The following MFHAS1 variants were observed in gnomAD, a reference collection of about 807,000 sequenced individuals.
MFHAS1 encodes multifunctional ROCO family signaling regulator 1.
In MFHAS1, 50 loss-of-function variants were observed where a neutral mutation model predicts 70.4. The observed-to-expected ratio is 0.71, with a 90% confidence interval of 0.57 to 0.90. The LOEUF (loss-of-function observed/expected upper bound fraction) is 0.90, where lower values mean the gene tolerates loss of function less well. Ranked by LOEUF, MFHAS1 falls within the 40% of genes least tolerant of loss-of-function variation. The pLI is 0.00. For missense variants in MFHAS1, 1,795 were observed against 1,347.6 expected, an observed-to-expected ratio of 1.33 and a Z score of -5.20; for synonymous variants, 952 against 620.0, an observed-to-expected ratio of 1.54 and a Z score of -7.96.
In MFHAS1 at chr8:8,803,044, T is replaced by A. The variant is rs189954458; in HGVS notation, c.2999-5553A>T. Among the ~76,000 whole-genome samples, 10 of 152,300 alleles carry A rather than the reference T, an allele frequency of 6.6e-5. No homozygotes were observed. In the East Asian group the frequency reaches 1.9e-3, roughly 29 times the overall value. ...AGGTATATTCTACCACTAAGCCACA[T>A]ATACTCTTAAGGGGTTTTGGGGATT... On this transcript the variant is annotated intron_variant, in intron 1 of 2. Coordinates refer to ENST00000276282, the MANE Select transcript of MFHAS1 (RefSeq NM_004225.3).
At chr8:8,793,063 G>A (rs1224051096) in intron 2 of MFHAS1, among the ~76,000 whole-genome samples, 1 of 152,176 alleles carries the variant, frequency 6.6e-6, no homozygotes, top group Admixed American at 6.5e-5. Context: ...GTGAGGTGCA[G>A]AAGGGGAGGC....
At chr8:8,832,599 G>C (rs1416660619) in intron 1 of MFHAS1, among the ~76,000 whole-genome samples, 1 of 147,858 alleles carries the variant, frequency 6.8e-6, no homozygotes, top group East Asian at 2.0e-4. Context: ...AAGTACTGAT[G>C]AACATGTGAT....
At chr8:8,819,915 C>G (rs1242218205) in intron 1 of MFHAS1, among the ~76,000 whole-genome samples, 2 of 152,154 alleles carry the variant, frequency 1.3e-5, no homozygotes, top group African/African-American at 4.8e-5. Flanking sequence ...CCAGGCTGGT[C>G]TCAAACTCCT....
chr8:8,823,947 T>G (rs1299745357), intron 1 of MFHAS1, among the ~76,000 whole-genome samples: 1 of 137,706 alleles, frequency 7.3e-6, no homozygotes, highest in East Asian at 2.1e-4. Flanking sequence ...CACAGCAGAT[T>G]TCCCTACAGG....
intron 1 of MFHAS1, among the ~76,000 whole-genome samples, chr8:8,889,030 C>CA (rs35143515): frequency 0.41 from 41,010 of 98,858 alleles, 6,912 homozygotes; most frequent in East Asian, 0.56. Flanking sequence ...AAAAAGTCTT[C>CA]AAAAAAAAAA....
intron 1 of MFHAS1, among the ~76,000 whole-genome samples, chr8:8,862,431 C>A (rs1808701904): frequency 6.7e-6 from 1 of 149,490 alleles, no homozygotes. Context: ...AATATTTTCT[C>A]CTAGACTATA....
chr8:8,859,364 T>G (rs968402839), intron 1 of MFHAS1, among the ~76,000 whole-genome samples: 10 of 152,048 alleles, frequency 6.6e-5, no homozygotes, highest in Non-Finnish European at 1.0e-4. Context: ...AAAAAAAAAG[T>G]TCACCATGTT....
chr8:8,793,508 G>T lies in MFHAS1; in HGVS notation c.3125+3857C>A, dbSNP rs572141487. ...CCACAAAAGCCAGCAATCACCTAGGGTAATTATTCTGGTCTACCTGGGAGC... is the reference window on the plus strand; with the variant it reads ...CCACAAAAGCCAGCAATCACCTAGGTTAATTATTCTGGTCTACCTGGGAGC... On this transcript the variant is annotated intron_variant, in intron 2 of 2. Transcript: ENST00000276282. Among the ~76,000 whole-genome samples the T allele has an allele frequency of 3.9e-5, 6 of 152,320 alleles. No individual in the cohort carries two copies. In the East Asian group the frequency reaches 9.7e-4, roughly 25 times the overall value.
chr8:8,843,541 A>T (rs528016605), intron 1 of MFHAS1, among the ~76,000 whole-genome samples: 1 of 152,362 alleles, frequency 6.6e-6, no homozygotes, highest in South Asian at 2.1e-4. Context: ...TGATCATGCC[A>T]CTGCATGCCA....
At chr8:8,787,494 G>C (rs1011294152) in intron 2 of MFHAS1, among the ~76,000 whole-genome samples, 22 of 152,302 alleles carry the variant, frequency 1.4e-4, no homozygotes, top group African/African-American at 5.1e-4. Flanking sequence ...TGACTCCAAA[G>C]CTCAAAGAGA....
At chr8:8,789,309 G>A (rs553726363) in intron 2 of MFHAS1, among the ~76,000 whole-genome samples, 1 of 152,214 alleles carries the variant, frequency 6.6e-6, no homozygotes, top group Non-Finnish European at 1.5e-5. Context: ...TGGAGCCGAT[G>A]GTACAAAGCT....
intron 2 of MFHAS1, among the ~76,000 whole-genome samples, chr8:8,789,237 G>A (rs899623090): frequency 1.3e-5 from 2 of 152,178 alleles, no homozygotes; most frequent in African/African-American, 4.8e-5. Flanking sequence ...AAAGGTGTTG[G>A]AGAATTACTA....
rs750186126 is a variant in MFHAS1 at position 8,890,453 on chromosome 8, T to C, written c.2606A>G (p.Asn869Ser). Residue 869 changes from asparagine (N) to serine (S), a missense_variant, in exon 1 of 3, where the codon AAC becomes AGC. Transcript: ENST00000276282. ...AGCCACAAAAGACTGCCCAGCTAGG[T>C]TGGTCCCATTAATCCAGGCTTCTGC... is the stretch of plus-strand genomic sequence containing the variant. ...PHAEAWINGT[N>S]LAGQSFVAEQ... is the part of the protein sequence containing the mutation. 2.5e-6 allele frequency: 4 copies of C among 1,613,802 alleles called. No homozygotes were observed. Among genetic ancestry groups the C allele is most frequent in the Admixed American group, 1.7e-5 (1 of 60,000 alleles).
chr8:8,841,292 T>C (rs1024549279), intron 1 of MFHAS1, among the ~76,000 whole-genome samples: 4 of 151,026 alleles, frequency 2.6e-5, no homozygotes, highest in East Asian at 3.9e-4. Flanking sequence ...CTGGCCAACA[T>C]AGTGAAACCC....
In MFHAS1 at chr8:8,890,554, T is replaced by C. The variant is rs1563223674; in HGVS notation, c.2505A>G (p.Lys835=). 1 of 1,613,426 alleles carries C rather than the reference T, an allele frequency of 6.2e-7. No individual in the cohort carries two copies. The highest frequency in any genetic ancestry group is 1.3e-5 in the African/African-American group (1 of 75,034). The change falls in exon 1 of 3, where the codon AAA becomes AAG. Residue 835 remains lysine, a synonymous_variant. Transcript: ENST00000276282. ...ACCCATTCAAAGGCTTGCCCTTGGG[T>C]TTATTGAGGCAGTAACAGAGTCCCA... ...EKMGLCYCLN[K]PKGKPLNGST... is the part of the protein sequence containing the mutation.
chr8:8,825,932 A>T (rs538845667), intron 1 of MFHAS1, among the ~76,000 whole-genome samples: 6 of 152,290 alleles, frequency 3.9e-5, no homozygotes, highest in African/African-American at 1.2e-4. Flanking sequence ...GGAGCCTAAG[A>T]TACTATCTAT....
At chr8:8,885,646 G>C (rs1486373557) in intron 1 of MFHAS1, among the ~76,000 whole-genome samples, 25 of 152,206 alleles carry the variant, frequency 1.6e-4, no homozygotes. Flanking sequence ...AAAAGGAAGG[G>C]AATCCTGGCT....
intron 2 of MFHAS1, among the ~76,000 whole-genome samples, chr8:8,794,718 C>T (rs1805833869): frequency 6.6e-6 from 1 of 152,012 alleles, no homozygotes; most frequent in Non-Finnish European, 1.5e-5. Context: ...AGCTGTCATC[C>T]ATTTCATGAG....
chr8:8,797,581 A>AG (rs1301854961), intron 1 of MFHAS1, 90 bp from the exon 2 acceptor site: 25 of 1,394,428 alleles, frequency 1.8e-5, no homozygotes, highest in Non-Finnish European at 2.3e-5. Context: ...GGATGGGGGC[A>AG]GGGGGAGAAG....
Sources: gnomAD v4.1 joint callset for allele counts (sites outside exome capture counted in the v4.1 genomes callset) on GRCh38, gnomAD v4.1.1 for gene constraint, MANE v1.5 for transcripts, NCBI Gene and HGNC (gene_info 2026-07-23, HGNC 2026-07-21) for gene names.